Variants in KSR2 observed in about 807,000 individuals in gnomAD.
KSR2 encodes the protein kinase suppressor of ras 2.
In KSR2, 25 loss-of-function variants were observed where a neutral mutation model predicts 107.8. The ratio of observed to expected loss-of-function variants is 0.23; its 90% CI spans 0.17 to 0.32. The LOEUF is 0.32. Among genes scored for constraint, KSR2 ranks in the 10% least tolerant of loss-of-function variants. The pLI is 1.00. For synonymous variants in KSR2, 480 were observed against 507.0 expected, an observed-to-expected ratio of 0.95 and a Z score of 0.71; for missense variants, 887 against 1,268.9, an observed-to-expected ratio of 0.70 and a Z score of 4.57.
At chr12:117,829,640 C>T (rs566967049) in intron 3 of KSR2, among the ~76,000 whole-genome samples, 35 of 152,314 alleles carry the variant, frequency 2.3e-4, no homozygotes, top group African/African-American at 8.2e-4. Context: ...GGACAGAGGT[C>T]TACAAACATT....
chr12:117,734,943 A>C (rs1887883412), intron 4 of KSR2, among the ~76,000 whole-genome samples: 1 of 152,158 alleles, frequency 6.6e-6, no homozygotes, highest in Non-Finnish European at 1.5e-5. Context: ...CTTTGTGTCT[A>C]TCATGCCGAA....
At chr12:117,558,823 T>C (rs990051613) in intron 7 of KSR2, among the ~76,000 whole-genome samples, 4 of 149,252 alleles carry the variant, frequency 2.7e-5, no homozygotes, top group Admixed American at 6.7e-5. Flanking sequence ...GATGGCTGGG[T>C]GGATAGATTG....
At position 117,506,720 on chromosome 12, in the gene KSR2, T is replaced by A. The variant is rs534309783; in HGVS notation, c.2219+18132A>T. Among the ~76,000 whole-genome samples, 112 of 152,288 alleles carry A rather than the reference T, an allele frequency of 7.4e-4. 1 individual carries two copies. The South Asian group carries it at 8.3e-3, about 11-fold the overall frequency. ...TCTGAGATGGGAGGAAAGAGAAATT[T>A]GGTTTGGCATGGCTTATTCTGGGAA... On this transcript the variant is annotated intron_variant, in intron 14 of 19. Coordinates refer to ENST00000339824, the MANE Select transcript of KSR2 (RefSeq NM_173598.6).
intron 4 of KSR2, among the ~76,000 whole-genome samples, chr12:117,705,049 C>T (rs1285932146): frequency 1.3e-5 from 2 of 151,954 alleles, no homozygotes; most frequent in Non-Finnish European, 2.9e-5. Context: ...TAGGATATGC[C>T]GGGATATGAC....
chr12:117,882,716 T>C (rs1022426938), intron 1 of KSR2, among the ~76,000 whole-genome samples: 1 of 151,254 alleles, frequency 6.6e-6, no homozygotes, highest in Non-Finnish European at 1.5e-5. Context: ...CATCCATCCA[T>C]CCATCCAACC....
chr12:117,850,883 G>A (rs1373593307), intron 3 of KSR2, among the ~76,000 whole-genome samples: 1 of 151,984 alleles, frequency 6.6e-6, no homozygotes, highest in East Asian at 1.9e-4. Flanking sequence ...ATTGAATAGT[G>A]AGCAGAAACA....
chr12:117,951,355 G>T (rs1254664179), intron 1 of KSR2, among the ~76,000 whole-genome samples: 1 of 152,028 alleles, frequency 6.6e-6, no homozygotes, highest in East Asian at 1.9e-4. Context: ...AAAAACGGTG[G>T]CATCTAAACT....
chr12:117,574,375 G>A (rs1471398875), intron 7 of KSR2, among the ~76,000 whole-genome samples: 2 of 152,090 alleles, frequency 1.3e-5, no homozygotes, highest in Non-Finnish European at 2.9e-5. Flanking sequence ...CTTTCATGCT[G>A]CCGATAAAGA....
rs201637020 is a variant in KSR2 at position 117,471,192 on chromosome 12, G to A, written c.2711C>T (p.Ser904Leu). ...GTCTGGACCTATCTTGGGACTTACC[G>A]AGATTTCTTTTCCCATGCCAATCTG... ...LSQIGMGKEI[S>L]DILLFCWAFE... The change falls in exon 18 of 20, where the codon TCG becomes TTG. Residue 904 changes from serine to leucine, a missense_variant and splice_region_variant. Coordinates refer to ENST00000339824, the MANE Select transcript of KSR2 (RefSeq NM_173598.6). The A allele has an allele frequency of 1.5e-3, 2,457 of 1,613,770 alleles. 18 individuals are homozygous for A. Among genetic ancestry groups the A allele is most frequent in the Non-Finnish European group, 1.1e-3 (1,326 of 1,179,748 alleles).
In KSR2 at chr12:117,680,297, C is replaced by T. The variant is rs114809294; in HGVS notation, c.987-12639G>A. On this transcript the variant is annotated intron_variant, in intron 4 of 19. Coordinates refer to ENST00000339824, the MANE Select transcript of KSR2 (RefSeq NM_173598.6). ...TTGTCTAAATCTATGCTGTTCTTTACGGGTATTAACATTTTAATTAAAGCA... is the reference window on the plus strand; with the variant it reads ...TTGTCTAAATCTATGCTGTTCTTTATGGGTATTAACATTTTAATTAAAGCA... Among the ~76,000 whole-genome samples the T allele has an allele frequency of 4.1e-3, 624 of 152,244 alleles. 3 individuals are homozygous for T. Among genetic ancestry groups the T allele is most frequent in the African/African-American group, 0.014 (565 of 41,550 alleles).
At chr12:117,851,386 C>T (rs761076599) in intron 3 of KSR2, among the ~76,000 whole-genome samples, 6 of 152,088 alleles carry the variant, frequency 3.9e-5, no homozygotes, top group African/African-American at 7.2e-5. Context: ...CCCAGGATTT[C>T]GAGACCAAAC....
chr12:117,774,043 C>G (rs1320266847), intron 3 of KSR2, among the ~76,000 whole-genome samples: 1 of 152,200 alleles, frequency 6.6e-6, no homozygotes, highest in East Asian at 1.9e-4. Flanking sequence ...AGTGGTAGAT[C>G]AGGGTTTCTG....
intron 5 of KSR2, among the ~76,000 whole-genome samples, chr12:117,595,643 G>A (rs145914851): frequency 0.012 from 1,791 of 152,318 alleles, 35 homozygotes; most frequent in African/African-American, 0.039. Flanking sequence ...GATTACAGGC[G>A]TGAGCCACCG....
chr12:117,900,344 C>T (rs779872941), intron 1 of KSR2, among the ~76,000 whole-genome samples: 2 of 152,120 alleles, frequency 1.3e-5, no homozygotes, highest in Non-Finnish European at 2.9e-5. Context: ...AAGACATATC[C>T]ATCAGGAACA....
intron 1 of KSR2, among the ~76,000 whole-genome samples, chr12:117,890,408 T>C (rs1894304547): frequency 6.6e-6 from 1 of 152,220 alleles, no homozygotes; most frequent in Non-Finnish European, 1.5e-5. Context: ...GTGAATCTTC[T>C]CTGACATTTA....
At chr12:117,630,318 T>G (rs755458302) in intron 5 of KSR2, among the ~76,000 whole-genome samples, 1 of 151,988 alleles carries the variant, frequency 6.6e-6, no homozygotes, top group Non-Finnish European at 1.5e-5. Context: ...GAAGACAATA[T>G]GGTGGTATGA....
At chr12:117,524,378 C>T (rs1874966688) in intron 14 of KSR2, among the ~76,000 whole-genome samples, 1 of 152,112 alleles carries the variant, frequency 6.6e-6, no homozygotes, top group South Asian at 2.1e-4. Context: ...AAAATATTTT[C>T]TGGGGTTAGG....
rs1881612423 is a variant in KSR2, at chr12:117,611,713, C to T, written c.1172-29354G>A. On this transcript the variant is annotated intron_variant, in intron 5 of 19. Transcript: ENST00000339824. ...TCTTATAACAATCATTTCTGGAACT[C>T]CTATTCTACTGGAGAAGTAGAGATA... 1.3e-5 allele frequency among the ~76,000 whole-genome samples: 2 copies of T among 152,086 alleles called. 1 individual carries two copies. The highest frequency in any genetic ancestry group is 4.1e-4 in the South Asian group (2 of 4,820).
intron 1 of KSR2, among the ~76,000 whole-genome samples, chr12:117,964,908 G>T (rs749846830): frequency 6.6e-6 from 1 of 152,160 alleles, no homozygotes; most frequent in Admixed American, 6.5e-5. Context: ...GGCTGCCATC[G>T]CTGGCTGTCC....
Sources: gnomAD v4.1 joint callset for allele counts (sites outside exome capture counted in the v4.1 genomes callset) on GRCh38, gnomAD v4.1.1 for gene constraint, MANE v1.5 for transcripts, NCBI Gene and HGNC (gene_info 2026-07-23, HGNC 2026-07-21) for gene names.